ZRANB3: variants seen among roughly 807,000 people sequenced by gnomAD.
ZRANB3 encodes DNA annealing helicase and endonuclease ZRANB3.
In ZRANB3, 125 loss-of-function variants were observed where a neutral mutation model predicts 133.8. That is an observed-to-expected ratio of 0.93 (90% confidence interval 0.81 to 1.08). ZRANB3 has a LOEUF of 1.08. ZRANB3 is among the 50% of genes least tolerant of loss of function. The pLI, the probability that ZRANB3 is intolerant of heterozygous loss-of-function variation, is 0.00. For synonymous variants in ZRANB3, 387 were observed against 432.7 expected, an observed-to-expected ratio of 0.89 and a Z score of 1.31; for missense variants, 1,229 against 1,275.5, an observed-to-expected ratio of 0.96 and a Z score of 0.56.
intron 6 of ZRANB3, among the ~76,000 whole-genome samples, chr2:135,336,042 C>T (rs905131504): frequency 6.6e-6 from 1 of 152,170 alleles, no homozygotes; most frequent in African/African-American, 2.4e-5. Context: ...TGGTTGACAA[C>T]TGAGTATGTT....
intron 3 of ZRANB3, among the ~76,000 whole-genome samples, chr2:135,377,672 C>T (rs1461493479): frequency 6.6e-6 from 1 of 152,162 alleles, no homozygotes; most frequent in East Asian, 1.9e-4. Flanking sequence ...CATGAGTCCA[C>T]ACTGATACAA....
At chr2:135,217,079 T>A (rs1395261660) in intron 17 of ZRANB3, among the ~76,000 whole-genome samples, 1 of 152,186 alleles carries the variant, frequency 6.6e-6, no homozygotes, top group Non-Finnish European at 1.5e-5. Flanking sequence ...CTGCACAGCA[T>A]CATACTCACG....
intron 2 of ZRANB3, among the ~76,000 whole-genome samples, chr2:135,420,247 T>C (rs1454542677): frequency 6.6e-6 from 1 of 151,088 alleles, no homozygotes; most frequent in Non-Finnish European, 1.5e-5. Context: ...CACTTTTGTA[T>C]CTCTTTAATG....
At chr2:135,316,986 AT>A (rs1683293577) in intron 6 of ZRANB3, among the ~76,000 whole-genome samples, 83 of 140,746 alleles carry the variant, frequency 5.9e-4, no homozygotes, top group African/African-American at 2.2e-3. Flanking sequence ...AAAAAAAAAT[AT>A]ATATATATAT....
intron 10 of ZRANB3, among the ~76,000 whole-genome samples, chr2:135,270,700 G>A (rs1202985111): frequency 6.6e-6 from 1 of 152,138 alleles, no homozygotes; most frequent in Non-Finnish European, 1.5e-5. Context: ...CTCCCAGAGA[G>A]TTGTGGAACT....
chr2:135,234,894 C>T (rs1231751596), intron 12 of ZRANB3, among the ~76,000 whole-genome samples: 6 of 151,990 alleles, frequency 3.9e-5, no homozygotes, highest in Admixed American at 6.6e-5. Flanking sequence ...GAAGCAAGAG[C>T]AAACACATTC....
chr2:135,397,997 A>G (rs1256317466), intron 2 of ZRANB3, among the ~76,000 whole-genome samples: 1 of 152,166 alleles, frequency 6.6e-6, no homozygotes, highest in Non-Finnish European at 1.5e-5. Flanking sequence ...AATTGCAGCA[A>G]TAAGGATCAT....
At chr2:135,434,686 A>G (rs1689455703) in intron 2 of ZRANB3, among the ~76,000 whole-genome samples, 1 of 152,208 alleles carries the variant, frequency 6.6e-6, no homozygotes, top group African/African-American at 2.4e-5. Flanking sequence ...ACTATCATGA[A>G]TCCTGTTTTT....
intron 6 of ZRANB3, among the ~76,000 whole-genome samples, chr2:135,343,387 T>C (rs189573222): frequency 2.2e-4 from 33 of 149,902 alleles, no homozygotes; most frequent in Admixed American, 3.3e-4. Context: ...TTTTAATGAG[T>C]TTCTGGATTT....
rs147070670 is a variant in ZRANB3 at position 135,378,449 on chromosome 2, G to A, written c.180+12353C>T. 6.2e-3 allele frequency among the ~76,000 whole-genome samples: 933 copies of A among 151,548 alleles called. 8 individuals carry two copies. The highest frequency in any genetic ancestry group is 0.042 in the South Asian group (200 of 4,800). Reference sequence around the variant, plus strand: ...CAGAGGTTGCAGTGGCCGAGATCACGCCATTGCATTCCATCCTGGGTGACA... The same window carrying A: ...CAGAGGTTGCAGTGGCCGAGATCACACCATTGCATTCCATCCTGGGTGACA... On this transcript the variant is annotated intron_variant, in intron 3 of 20. Coordinates refer to ENST00000264159, the MANE Select transcript of ZRANB3 (RefSeq NM_032143.4).
intron 9 of ZRANB3, among the ~76,000 whole-genome samples, chr2:135,274,784 G>A (rs1680705603): frequency 6.6e-6 from 1 of 152,054 alleles, no homozygotes. Context: ...CTTCCGCAGT[G>A]TTTGTGTCCC....
chr2:135,469,796 A>G (rs1272611906), intron 2 of ZRANB3, among the ~76,000 whole-genome samples: 1 of 147,302 alleles, frequency 6.8e-6, no homozygotes, highest in Non-Finnish European at 1.5e-5. Context: ...GTGGATCATG[A>G]GGTCAGGAGA....
intron 2 of ZRANB3, among the ~76,000 whole-genome samples, chr2:135,392,471 C>T (rs1001753952): frequency 6.6e-6 from 1 of 151,874 alleles, no homozygotes; most frequent in Non-Finnish European, 1.5e-5. Context: ...AAATCATGGC[C>T]GGGCACGGTG....
chr2:135,464,794 A>C (rs553932299), intron 2 of ZRANB3, among the ~76,000 whole-genome samples: 1 of 152,298 alleles, frequency 6.6e-6, no homozygotes, highest in South Asian at 2.1e-4. Flanking sequence ...GGGTATAAGG[A>C]TCTGTCTTTC....
chr2:135,230,534 C>A lies in ZRANB3; in HGVS notation c.1933G>T (p.Glu645Ter). The change falls in exon 13 of 21, where the codon GAG becomes TAG. Residue 645 changes from glutamate to a stop codon, truncating the protein, a stop_gained. Coordinates refer to ENST00000264159, the MANE Select transcript of ZRANB3 (RefSeq NM_032143.4). LOFTEE classifies it high-confidence loss of function. ...TCACCAGCACTGCCTTGAGGAGTCT[C>A]ACACATTTCACAATAAGGTAACTCT... is the stretch of plus-strand genomic sequence containing the variant. ...NSELPYCEMC[E>*]TPQGSAVMQI... 1 of 1,548,364 alleles carries A rather than the reference C, an allele frequency of 6.5e-7. No homozygotes were observed. The highest frequency in any genetic ancestry group is 8.7e-7 in the Non-Finnish European group (1 of 1,151,042).
intron 8 of ZRANB3, among the ~76,000 whole-genome samples, chr2:135,308,883 A>G (rs950483625): frequency 2.0e-5 from 3 of 152,134 alleles, no homozygotes; most frequent in Admixed American, 1.3e-4. Flanking sequence ...AAAGGAAAAA[A>G]AGTTCATATG....
intron 8 of ZRANB3, among the ~76,000 whole-genome samples, chr2:135,282,592 A>C (rs1035659372): frequency 1.3e-5 from 2 of 152,164 alleles, no homozygotes; most frequent in Non-Finnish European, 1.5e-5. Flanking sequence ...GGAGTATTTT[A>C]CTTCCTTATA....
At chr2:135,494,798 G>C (rs879021182) in intron 2 of ZRANB3, among the ~76,000 whole-genome samples, 1 of 152,164 alleles carries the variant, frequency 6.6e-6, no homozygotes, top group Non-Finnish European at 1.5e-5. Flanking sequence ...GAAAGGGTAA[G>C]GAAGTGTCCC....
chr2:135,457,374 T>C (rs1441512843), intron 2 of ZRANB3, among the ~76,000 whole-genome samples: 2 of 152,190 alleles, frequency 1.3e-5, no homozygotes, highest in Non-Finnish European at 2.9e-5. Context: ...TGTGAGGAAC[T>C]AGCAAACTGT....
Sources: gnomAD v4.1 joint callset for allele counts (sites outside exome capture counted in the v4.1 genomes callset) on GRCh38, gnomAD v4.1.1 for gene constraint, MANE v1.5 for transcripts, NCBI Gene and HGNC (gene_info 2026-07-23, HGNC 2026-07-21) for gene names.